Variants in TMPRSS3 observed in about 807,000 individuals in gnomAD.
TMPRSS3 encodes the protein transmembrane protease serine 3.
In TMPRSS3, 55 loss-of-function variants were observed where a neutral mutation model predicts 59.6. The observed-to-expected ratio is 0.92, with a 90% CI of 0.74 to 1.16. The LOEUF is 1.16. Ranked by LOEUF, TMPRSS3 falls within the 50% of genes most tolerant of loss-of-function variation. TMPRSS3 has a pLI of 0.00. For synonymous variants in TMPRSS3, 257 were observed against 237.7 expected (o/e 1.08, Z -0.75); for missense variants, 596 against 579.4 (o/e 1.03, Z -0.29).
intron 5 of TMPRSS3, among the ~76,000 whole-genome samples, chr21:42,387,559 A>G (rs531564044): frequency 3.3e-5 from 5 of 152,088 alleles, no homozygotes; most frequent in African/African-American, 1.2e-4. Context: ...GCTGGAGGGC[A>G]TTTTGGCTTC....
intron 2 of TMPRSS3, chr21:42,390,530 C>A: frequency 5.5e-6 from 1 of 180,836 alleles, no homozygotes; most frequent in Non-Finnish European, 1.2e-5. Flanking sequence ...GAGTTCAAGA[C>A]AAGCCTGGCC....
At position 42,388,881 on chromosome 21, in the gene TMPRSS3, C is replaced by T. The variant is rs1354724722; in HGVS notation, c.322+48G>A. On this transcript the variant is annotated intron_variant, in intron 4 of 12. Transcript: ENST00000644384. This position sits in a 1 kb window ranked among gnomAD's most constrained non-coding sequence, Gnocchi z 5.1. ...TACAGATGGGAAGGGTCAGGGTTGG[C>T]TTCTGCTGCTTCCTTCTGTTTCCCC... 1.3e-6 allele frequency: 2 copies of T among 1,536,310 alleles called. No homozygotes were observed. The highest frequency in any genetic ancestry group is 1.4e-5 in the African/African-American group (1 of 73,436).
chr21:42,377,152 G>A (rs942842665), intron 10 of TMPRSS3, among the ~76,000 whole-genome samples: 1 of 152,246 alleles, frequency 6.6e-6, no homozygotes, highest in Non-Finnish European at 1.5e-5. Context: ...CCCAGAACCT[G>A]TGACTGTGTC....
intron 9 of TMPRSS3, among the ~76,000 whole-genome samples, chr21:42,380,436 T>C (rs2052507249): frequency 6.6e-6 from 1 of 152,054 alleles, no homozygotes; most frequent in Admixed American, 6.6e-5. Context: ...CGTCGCAGCG[T>C]GAGGGAACCT....
chr21:42,389,065 CAGGAATTA>C lies in TMPRSS3; in HGVS notation c.206-28_206-21del. The C allele has an allele frequency of 6.2e-7, 1 of 1,613,774 alleles. No homozygotes were observed. The highest frequency in any genetic ancestry group is 8.5e-7 in the Non-Finnish European group (1 of 1,179,944). On this transcript the variant is annotated intron_variant, in intron 3 of 12. Coordinates refer to ENST00000644384, the MANE Select transcript of TMPRSS3 (RefSeq NM_001256317.3). ...AGTGGACTGGGAAAAGGGAGGAAGG[CAGGAATTA>C]ACCAACAGCTCTTTCAGAGTGCAAC...
Position 42,383,996 on chromosome 21 carries a change from C to A in TMPRSS3, c.590G>T (p.Gly197Val). The A allele has an allele frequency of 6.2e-7, 1 of 1,613,998 alleles. No individual in the cohort carries two copies. Among genetic ancestry groups the A allele is most frequent in the African/African-American group, 1.3e-5 (1 of 74,984 alleles). ...SVYVREGCAS[G>V]HVVTLQCTAC... The stretch of plus-strand genomic sequence containing the variant: ...TGTGCACTGCAAGGTAACCACGTGG[C>A]CAGAGGCACATCCCTCCCTAAAGCG... The change falls in exon 7 of 13, where the codon GGC (glycine) becomes GTC (valine). Residue 197 changes from glycine (G) to valine (V), a missense_variant. Gly to Val is a moderately radical substitution (Grantham distance 109). Coordinates refer to ENST00000644384, the MANE Select transcript of TMPRSS3 (RefSeq NM_001256317.3).
rs780609668 is a variant in TMPRSS3 at position 42,388,416 on chromosome 21, GT to G, written c.432del (p.Gln144HisfsTer8). On this transcript the variant is annotated frameshift_variant, in exon 5 of 13. Transcript: ENST00000644384. LOFTEE classifies it high-confidence loss of function. The surrounding 1 kb of genome is among the most constrained non-coding windows in gnomAD (Gnocchi z 5.1). ...TCTTTAACTTACCTTGGGAAACCCA[GT>G]TGGGCACAGGCAACATTTGCGTAGT... is the stretch of plus-strand genomic sequence containing the variant. Reference protein sequence around the residue: ...KGHYANVACAQLGFPSYVSSD... With the variant: ...KGHYANVACAXLGFPSYVSSD... The G allele has an allele frequency of 5.0e-6, 8 of 1,614,130 alleles. No homozygotes were observed. In the East Asian group the frequency reaches 1.8e-4, roughly 36 times the overall value.
intron 2 of TMPRSS3, among the ~76,000 whole-genome samples, chr21:42,391,742 G>C (rs527646292): frequency 6.6e-6 from 1 of 152,190 alleles, no homozygotes; most frequent in Admixed American, 6.5e-5. Context: ...AGAGTCCTTT[G>C]TCTCTGACCC....
In TMPRSS3 at chr21:42,383,115, G is replaced by A; in HGVS notation, c.700C>T (p.Leu234Phe). 3 of 1,614,198 alleles carry A rather than the reference G, an allele frequency of 1.9e-6. No homozygotes were observed. The highest frequency in any genetic ancestry group is 2.5e-6 in the Non-Finnish European group (3 of 1,180,046). The change falls in exon 8 of 13, where the codon CTT (leucine) becomes TTT (phenylalanine). Residue 234 changes from leucine (L) to phenylalanine (F), a missense_variant. Coordinates refer to ENST00000644384, the MANE Select transcript of TMPRSS3 (RefSeq NM_001256317.3). ...LLSQWPWQAS[L>F]QFQGYHLCGG... ...CACAGGTGGTAGCCCTGGAACTGAA[G>A]GCTGGCCTGCCAGGGCCACTGCGAG...
chr21:42,372,187 C>T lies in TMPRSS3; in HGVS notation c.*575G>A, dbSNP rs1172174751. The stretch of plus-strand genomic sequence containing the variant: ...TCTCGTCAGGAATTTTGCAAGACCC[C>T]TGGAGAGAAAACCAGATGGACCAGT... On this transcript the variant is annotated 3_prime_UTR_variant, in exon 13 of 13. Coordinates refer to ENST00000644384, the MANE Select transcript of TMPRSS3 (RefSeq NM_001256317.3). 2.3e-6 allele frequency: 1 copy of T among 442,782 alleles called. No individual in the cohort carries two copies. Among genetic ancestry groups the T allele is most frequent in the Non-Finnish European group, 4.6e-6 (1 of 219,572 alleles). 27.4% of individuals were successfully genotyped at this position (442,782 alleles called of 1,614,324 possible).
intron 2 of TMPRSS3, 47 bp downstream of exon 2, chr21:42,395,277 T>G: frequency 6.6e-7 from 1 of 1,514,102 alleles, no homozygotes; most frequent in Non-Finnish European, 9.2e-7. Flanking sequence ...GTCACCTACA[T>G]GAGGGTATGG....
In TMPRSS3 at chr21:42,389,957, A is replaced by G; in HGVS notation, c.175T>C (p.Leu59=). The G allele has an allele frequency of 5.6e-6, 9 of 1,613,994 alleles. No individual in the cohort carries two copies. The highest frequency in any genetic ancestry group is 1.3e-5 in the African/African-American group (1 of 75,058). ...FPIIVIGIIA[L]ILALAIGLGI... Reference sequence around the variant, plus strand: ...AGACCAATGGCCAGTGCTAATATCAATGCAATGATCCCAATGACGATGATT... The same window carrying G: ...AGACCAATGGCCAGTGCTAATATCAGTGCAATGATCCCAATGACGATGATT... Residue 59 remains leucine, a synonymous_variant, in exon 3 of 13, where the codon TTG becomes CTG. Coordinates refer to ENST00000644384, the MANE Select transcript of TMPRSS3 (RefSeq NM_001256317.3).
intron 5 of TMPRSS3, among the ~76,000 whole-genome samples, chr21:42,387,100 A>G (rs1441427492): frequency 9.4e-6 from 1 of 106,134 alleles, no homozygotes; most frequent in African/African-American, 5.2e-5. Context: ...TACCCCCACC[A>G]TGAGTGGCCT....
rs1466124892 is a variant in TMPRSS3 at position 42,388,825 on chromosome 21, AC to A, written c.322+103del. 9.0e-7 allele frequency: 1 copy of A among 1,111,820 alleles called. No homozygotes were observed. The highest frequency in any genetic ancestry group is 2.3e-5 in the East Asian group (1 of 42,698). 68.9% of individuals were successfully genotyped at this position (1,111,820 alleles called of 1,614,324 possible). A position where few individuals can be genotyped will look rare whatever the true frequency, so the allele number is the denominator to read the frequency against. ...CAGTTCAATCCCAGCTGAAGACATG[AC>A]CTAAAAATGGCAATGACTTGGACCC... On this transcript the variant is annotated intron_variant, in intron 4 of 12. Coordinates refer to ENST00000644384, the MANE Select transcript of TMPRSS3 (RefSeq NM_001256317.3). The surrounding 1 kb of genome is among the most constrained non-coding windows in gnomAD (Gnocchi z 5.1).
At chr21:42,378,020 G>A (rs904637724) in intron 10 of TMPRSS3, among the ~76,000 whole-genome samples, 19 of 152,220 alleles carry the variant, frequency 1.2e-4, no homozygotes, top group African/African-American at 3.9e-4. Flanking sequence ...TGGTTGGTCC[G>A]GAATGAGAGC....
chr21:42,376,557 C>T lies in TMPRSS3; in HGVS notation c.1175G>A (p.Gly392Asp). 1.2e-6 allele frequency: 2 copies of T among 1,613,520 alleles called. No homozygotes were observed. The highest frequency in any genetic ancestry group is 1.3e-5 in the African/African-American group (1 of 75,054). The change falls in exon 11 of 13, where the codon GGC becomes GAC. Residue 392 changes from glycine (G) to aspartate (D), a missense_variant. Gly to Asp is a moderately conservative substitution (Grantham distance 94). Transcript: ENST00000644384. The stretch of plus-strand genomic sequence containing the variant: ...GCCCCGTACCTGGCAGCTGTCCACG[C>T]CACCCGTCAGGTAGCCCGCGCAGAG... ...SMLCAGYLTG[G>D]VDSCQGDSGG... is the part of the protein sequence containing the mutation.
intron 6 of TMPRSS3, among the ~76,000 whole-genome samples, chr21:42,384,771 G>C (rs141240059): frequency 6.6e-6 from 1 of 152,240 alleles, no homozygotes; most frequent in Non-Finnish European, 1.5e-5. Flanking sequence ...TAGGGTTTGG[G>C]CCTAGATGTC....
chr21:42,395,619 T>A (rs2052795041), intron 1 of TMPRSS3, 151 bp from the exon 2 acceptor site: 1 of 586,272 alleles, frequency 1.7e-6, no homozygotes, highest in South Asian at 1.7e-5. Context: ...CTGGTGAGAA[T>A]GCATTTTCGT....
At position 42,376,589 on chromosome 21, in the gene TMPRSS3, G is replaced by T; in HGVS notation, c.1143C>A (p.Pro381=). The change falls in exon 11 of 13, where the codon CCC becomes CCA. Residue 381 remains proline, a synonymous_variant. Coordinates refer to ENST00000644384, the MANE Select transcript of TMPRSS3 (RefSeq NM_001256317.3). Reference sequence around the variant, plus strand: ...TCAGGTAGCCCGCGCAGAGCATGGAGGGGGAGATGATGCCACCGTACACGT... The same window carrying T: ...TCAGGTAGCCCGCGCAGAGCATGGATGGGGAGATGATGCCACCGTACACGT... ...HRDVYGGIIS[P]SMLCAGYLTG... 6.2e-7 allele frequency: 1 copy of T among 1,613,984 alleles called. No individual in the cohort carries two copies. The highest frequency in any genetic ancestry group is 8.5e-7 in the Non-Finnish European group (1 of 1,180,028).
Sources: allele counts gnomAD v4.1 joint callset (sites outside exome capture counted in the v4.1 genomes callset), GRCh38; gene constraint gnomAD v4.1.1; non-coding constraint Gnocchi (gnomAD v3.1); transcripts MANE v1.5; gene names NCBI Gene and HGNC (gene_info 2026-07-23, HGNC 2026-07-21).